The following PTPRD variants were observed in gnomAD, a reference collection of about 807,000 sequenced individuals.
PTPRD encodes protein tyrosine phosphatase receptor type D, also known as receptor-type tyrosine-protein phosphatase delta.
A neutral mutation model predicts 214.5 loss-of-function variants in PTPRD; 34 were observed. That is an observed-to-expected ratio of 0.16 (90% CI 0.12 to 0.21). The LOEUF is 0.21. Among genes scored for constraint, PTPRD ranks in the 10% least tolerant of loss-of-function variants. The probability of loss-of-function intolerance (pLI) is 1.00; values close to 1 mark genes in which losing one functional copy is unlikely to be tolerated. For synonymous variants in PTPRD, 1,128 were observed against 845.7 expected, an observed-to-expected ratio of 1.33 and a Z score of -5.79; for missense variants, 2,545 against 2,398.7, an observed-to-expected ratio of 1.06 and a Z score of -1.27.
chr9:9,116,113 C>T (rs967282063), intron 10 of PTPRD, among the ~76,000 whole-genome samples: 5 of 152,036 alleles, frequency 3.3e-5, no homozygotes, highest in Admixed American at 1.3e-4. Context: ...GTACTATGCT[C>T]ACTACCTGGG....
chr9:8,755,225 A>AC (rs2093890572), intron 11 of PTPRD, among the ~76,000 whole-genome samples: 1 of 149,696 alleles, frequency 6.7e-6, no homozygotes, highest in Admixed American at 6.6e-5. Context: ...TATTAAAAAA[A>AC]AAAAAAACAA....
chr9:10,402,853 T>C (rs2154497857), intron 2 of PTPRD, among the ~76,000 whole-genome samples: 1 of 151,790 alleles, frequency 6.6e-6, no homozygotes, highest in Admixed American at 6.6e-5. Context: ...TGAATGTCTT[T>C]ATTGCCTTGA....
intron 36 of PTPRD, among the ~76,000 whole-genome samples, chr9:8,396,252 T>C (rs898575061): frequency 6.6e-6 from 1 of 152,192 alleles, no homozygotes; most frequent in African/African-American, 2.4e-5. Context: ...GTTACTATTA[T>C]GATTGACGTA....
chr9:9,687,079 A>G (rs2097178901), intron 7 of PTPRD, among the ~76,000 whole-genome samples: 1 of 151,806 alleles, frequency 6.6e-6, no homozygotes, highest in Non-Finnish European at 1.5e-5. Context: ...AAAGGTATTC[A>G]GTAAGTATAT....
At chr9:9,221,207 T>C (rs2099955763) in intron 9 of PTPRD, among the ~76,000 whole-genome samples, 1 of 152,064 alleles carries the variant, frequency 6.6e-6, no homozygotes, top group African/African-American at 2.4e-5. Context: ...TTAAATGCAT[T>C]CATTGGCAAA....
chr9:10,047,139 T>G (rs906283806), intron 3 of PTPRD, among the ~76,000 whole-genome samples: 6 of 151,986 alleles, frequency 3.9e-5, no homozygotes, highest in African/African-American at 1.4e-4. Context: ...TAAGTTAAAA[T>G]TATTATTTTG....
At chr9:9,792,297 T>C (rs1205380983) in intron 5 of PTPRD, among the ~76,000 whole-genome samples, 1 of 152,170 alleles carries the variant, frequency 6.6e-6, no homozygotes, top group Non-Finnish European at 1.5e-5. Flanking sequence ...CCAATTTAAC[T>C]GTCTTATTTC....
chr9:9,822,795 C>T (rs536246799), intron 5 of PTPRD, among the ~76,000 whole-genome samples: 2 of 151,902 alleles, frequency 1.3e-5, no homozygotes, highest in Non-Finnish European at 2.9e-5. Flanking sequence ...CCTCATGTGA[C>T]GATTCTCAGC....
intron 11 of PTPRD, among the ~76,000 whole-genome samples, chr9:8,786,438 C>T (rs1336867928): frequency 5.8e-4 from 66 of 114,314 alleles, no homozygotes; most frequent in African/African-American, 2.2e-3. Context: ...GAGACAGAGT[C>T]TCGCTCTGTC....
chr9:8,944,471 A>G (rs1165011857), intron 11 of PTPRD, among the ~76,000 whole-genome samples: 1 of 152,124 alleles, frequency 6.6e-6, no homozygotes, highest in African/African-American at 2.4e-5. Flanking sequence ...CTGCAGCACT[A>G]CACAAAATAT....
chr9:10,006,935 A>G (rs1220881645), intron 4 of PTPRD, among the ~76,000 whole-genome samples: 1 of 151,936 alleles, frequency 6.6e-6, no homozygotes, highest in Non-Finnish European at 1.5e-5. Flanking sequence ...TTATTTTCCA[A>G]TAATAATAAT....
chr9:8,676,874 C>T (rs10977246), intron 12 of PTPRD, among the ~76,000 whole-genome samples: 2 of 152,198 alleles, frequency 1.3e-5, no homozygotes, highest in East Asian at 1.9e-4. Flanking sequence ...GTGCCCGGCC[C>T]ATTGTCATCT....
intron 2 of PTPRD, among the ~76,000 whole-genome samples, chr9:10,441,800 T>C (rs1182937867): frequency 1.3e-5 from 2 of 151,620 alleles, no homozygotes; most frequent in African/African-American, 4.8e-5. Flanking sequence ...GACAAATAAA[T>C]ACACTAGTAA....
At chr9:9,353,802 C>A (rs930553972) in intron 9 of PTPRD, among the ~76,000 whole-genome samples, 1 of 151,856 alleles carries the variant, frequency 6.6e-6, no homozygotes, top group Non-Finnish European at 1.5e-5. Flanking sequence ...AAACAACACC[C>A]TTTTATTAGT....
intron 2 of PTPRD, among the ~76,000 whole-genome samples, chr9:10,463,324 C>T (rs1047334741): frequency 1.3e-4 from 20 of 152,084 alleles, no homozygotes; most frequent in Admixed American, 2.0e-4. Flanking sequence ...TATGTATCTG[C>T]TTACCAGAAG....
At chr9:9,930,047 G>A (rs1396395122) in intron 5 of PTPRD, among the ~76,000 whole-genome samples, 1 of 152,142 alleles carries the variant, frequency 6.6e-6, no homozygotes, top group Admixed American at 6.5e-5. Context: ...CAAAACACCA[G>A]AGCATAAGAA....
chr9:8,838,422 T>C (rs924264045), intron 11 of PTPRD, among the ~76,000 whole-genome samples: 1 of 152,158 alleles, frequency 6.6e-6, no homozygotes, highest in African/African-American at 2.4e-5. Context: ...ATTCCTCTTC[T>C]TCAAATCATT....
chr9:10,487,389 G>A (rs1301648159), intron 2 of PTPRD, among the ~76,000 whole-genome samples: 2 of 151,806 alleles, frequency 1.3e-5, no homozygotes, highest in African/African-American at 4.8e-5. Flanking sequence ...TTCCCTTCCT[G>A]TCTTCTCTTT....
At chr9:8,665,502 G>C (rs2097152626) in intron 12 of PTPRD, among the ~76,000 whole-genome samples, 2 of 152,172 alleles carry the variant, frequency 1.3e-5, no homozygotes, top group South Asian at 4.1e-4. Context: ...CAGCTTACCT[G>C]AATTAGAAAG....
Sources: allele counts gnomAD v4.1 joint callset (sites outside exome capture counted in the v4.1 genomes callset), GRCh38; gene constraint gnomAD v4.1.1; transcripts MANE v1.5; gene names NCBI Gene and HGNC (gene_info 2026-07-23, HGNC 2026-07-21).